The following MAF variants were observed in gnomAD, a reference collection of about 807,000 sequenced individuals.
MAF encodes the protein transcription factor Maf.
A neutral mutation model predicts 22.0 loss-of-function variants in MAF; 10 were observed. The ratio of observed to expected loss-of-function variants is 0.45; its 90% CI spans 0.28 to 0.77. MAF has a LOEUF of 0.77. MAF is among the 30% of genes least tolerant of loss of function. The probability of loss-of-function intolerance (pLI) is 0.12; values close to 1 mark genes in which losing one functional copy is unlikely to be tolerated. For missense variants in MAF, 544 were observed against 548.4 expected (o/e 0.99, Z 0.08); for synonymous variants, 337 against 255.8 (o/e 1.32, Z -3.03).
chr16:79,266,271 A>T, the MAF span, among the ~76,000 whole-genome samples: 1 of 152,178 alleles, frequency 6.6e-6, no homozygotes, highest in African/African-American at 2.4e-5. Context: ...TAAATTGTTT[A>T]TGTCTAGAAT....
chr16:79,567,123 G>C, the MAF span, among the ~76,000 whole-genome samples: 2 of 152,184 alleles, frequency 1.3e-5, no homozygotes, highest in African/African-American at 4.8e-5. Context: ...TTCGAGACCA[G>C]CCTGGCCAAC....
At chr16:79,418,827 T>C in the MAF span, among the ~76,000 whole-genome samples, 1 of 152,148 alleles carries the variant, frequency 6.6e-6, no homozygotes, top group Admixed American at 6.5e-5. Flanking sequence ...TGCAGGCTCC[T>C]CACCGCATGG....
the MAF span, among the ~76,000 whole-genome samples, chr16:79,543,141 A>G: frequency 3.6e-4 from 55 of 152,354 alleles, 1 homozygote; most frequent in African/African-American, 1.2e-3. Context: ...TGGTAACATC[A>G]TGAAGAGTGA....
chr16:79,230,011 G>A, the MAF span, among the ~76,000 whole-genome samples: 1 of 150,808 alleles, frequency 6.6e-6, no homozygotes, highest in Non-Finnish European at 1.5e-5. Context: ...GAAAAAAAAA[G>A]AATAAAAGCA....
At chr16:79,247,738 T>G in the MAF span, among the ~76,000 whole-genome samples, 1 of 152,178 alleles carries the variant, frequency 6.6e-6, no homozygotes. Context: ...AAAAGTGGTT[T>G]TTTTTGGACA....
At chr16:79,285,330 A>C in the MAF span, among the ~76,000 whole-genome samples, 3 of 152,284 alleles carry the variant, frequency 2.0e-5, no homozygotes, top group South Asian at 2.1e-4. Context: ...CCTTAGGTCC[A>C]TTCTGGGCAC....
At chr16:79,583,763 C>A (rs73587057), downstream of MAF, among the ~76,000 whole-genome samples, 1 of 152,158 alleles carries the variant, frequency 6.6e-6, no homozygotes, top group Non-Finnish European at 1.5e-5. Flanking sequence ...ACCTTTAGCG[C>A]GAGGTTAAAA....
chr16:79,557,932 AT>A, the MAF span, among the ~76,000 whole-genome samples: 565 of 152,102 alleles, frequency 3.7e-3, 1 homozygote, highest in Non-Finnish European at 5.9e-3. Context: ...GGGAAGTGAC[AT>A]TTAAGCCAAG....
the MAF span, among the ~76,000 whole-genome samples, chr16:79,276,144 A>G: frequency 2.7e-5 from 1 of 37,556 alleles, no homozygotes; most frequent in Admixed American, 3.5e-4. Flanking sequence ...CATCTCAAAG[A>G]AAAAAAAAGA....
the MAF span, among the ~76,000 whole-genome samples, chr16:79,446,462 G>C: frequency 6.6e-6 from 1 of 152,120 alleles, no homozygotes; most frequent in Non-Finnish European, 1.5e-5. Context: ...ACCTCTAGAA[G>C]TGACCCTGTT....
the MAF span, among the ~76,000 whole-genome samples, chr16:79,481,056 A>G: frequency 6.6e-6 from 1 of 152,122 alleles, no homozygotes; most frequent in Non-Finnish European, 1.5e-5. Flanking sequence ...TTATTCACTT[A>G]GTATCAGTCC....
chr16:79,333,534 A>C, the MAF span, among the ~76,000 whole-genome samples: 36 of 152,334 alleles, frequency 2.4e-4, no homozygotes, highest in South Asian at 8.3e-4. Flanking sequence ...CATTTATGTC[A>C]ATTTTATTTC....
chr16:79,284,905 C>A, the MAF span, among the ~76,000 whole-genome samples: 1 of 152,312 alleles, frequency 6.6e-6, no homozygotes, highest in Admixed American at 6.5e-5. Context: ...GCTCTCCCCC[C>A]AGCCAACAGT....
At chr16:79,503,510 G>A in the MAF span, among the ~76,000 whole-genome samples, 1 of 152,106 alleles carries the variant, frequency 6.6e-6, no homozygotes, top group African/African-American at 2.4e-5. Context: ...TCTTTTCTTT[G>A]AGATACATCT....
At chr16:79,396,369 T>G in the MAF span, among the ~76,000 whole-genome samples, 1 of 152,168 alleles carries the variant, frequency 6.6e-6, no homozygotes, top group Non-Finnish European at 1.5e-5. Context: ...AAGGGGATGC[T>G]CACAGCAAAA....
the MAF span, among the ~76,000 whole-genome samples, chr16:79,568,832 G>A: frequency 6.6e-6 from 1 of 152,182 alleles, no homozygotes; most frequent in Non-Finnish European, 1.5e-5. Flanking sequence ...GGCAATAATA[G>A]ATCATGTTTA....
At chr16:79,286,608 C>T in the MAF span, among the ~76,000 whole-genome samples, 30 of 152,312 alleles carry the variant, frequency 2.0e-4, no homozygotes, top group Middle Eastern at 0.014. Context: ...TCAGCATAGG[C>T]AAAGACACAT....
chr16:79,458,321 TG>T, the MAF span, among the ~76,000 whole-genome samples: 2 of 152,280 alleles, frequency 1.3e-5, no homozygotes, highest in East Asian at 3.9e-4. Flanking sequence ...TGTGCATGGT[TG>T]GGGACAAGGA....
the MAF span, among the ~76,000 whole-genome samples, chr16:79,251,721 G>A: frequency 6.6e-6 from 1 of 152,156 alleles, no homozygotes; most frequent in African/African-American, 2.4e-5. Flanking sequence ...GCAATCCCTG[G>A]GGTCACAATA....
Sources: allele counts gnomAD v4.1 joint callset (sites outside exome capture counted in the v4.1 genomes callset), GRCh38; gene constraint gnomAD v4.1.1; transcripts MANE v1.5; gene names NCBI Gene and HGNC (gene_info 2026-07-23, HGNC 2026-07-21).